PTPRM: variants seen among roughly 807,000 people sequenced by gnomAD.
PTPRM encodes the protein protein tyrosine phosphatase receptor type M.
A neutral mutation model predicts 186.7 loss-of-function variants in PTPRM; 47 were observed. The observed-to-expected ratio is 0.25, with a 90% CI of 0.20 to 0.32. The LOEUF (loss-of-function observed/expected upper bound fraction) is 0.32. Among genes scored for constraint, PTPRM ranks in the 10% least tolerant of loss-of-function variants. PTPRM has a pLI of 1.00. For synonymous variants in PTPRM, 668 were observed against 674.9 expected, an observed-to-expected ratio of 0.99 and a Z score of 0.16; for missense variants, 1,494 against 1,865.0, an observed-to-expected ratio of 0.80 and a Z score of 3.66.
chr18:7,840,171 C>A (rs2046255819), intron 2 of PTPRM, among the ~76,000 whole-genome samples: 1 of 151,968 alleles, frequency 6.6e-6, no homozygotes, highest in Non-Finnish European at 1.5e-5. Context: ...GTGCCTCTTT[C>A]AGAGATAAGT....
intron 14 of PTPRM, among the ~76,000 whole-genome samples, chr18:8,211,377 C>CTTTTT (rs970926126): frequency 0.011 from 958 of 87,248 alleles, no homozygotes; most frequent in Middle Eastern, 0.02. Context: ...GTCTCTTCTT[C>CTTTTT]TTTTTTTTTT....
intron 14 of PTPRM, among the ~76,000 whole-genome samples, chr18:8,190,360 G>A (rs1183268413): frequency 6.6e-6 from 1 of 152,144 alleles, no homozygotes; most frequent in Non-Finnish European, 1.5e-5. Flanking sequence ...TATATGTGAG[G>A]TCATGAGGCA....
chr18:7,999,840 G>C (rs1200644309), intron 7 of PTPRM, among the ~76,000 whole-genome samples: 1 of 151,992 alleles, frequency 6.6e-6, no homozygotes, highest in African/African-American at 2.4e-5. Context: ...ATAAGGAATT[G>C]GCCCACATGT....
At chr18:8,085,996 G>T (rs1228026505) in intron 10 of PTPRM, 124 bp downstream of exon 10, 1 of 899,314 alleles carries the variant, frequency 1.1e-6, no homozygotes, top group South Asian at 1.5e-5. Flanking sequence ...ACTCCTGGAT[G>T]CCTGAAGCTC....
rs573974233 is a variant in PTPRM, at chr18:7,807,777, G to A, written c.196+33506G>A. ...GTGTCGTATTGCTGACGTTTATGTG[G>A]TTGAAGAATTACATCTAAGTAATAT... On this transcript the variant is annotated intron_variant, in intron 2 of 32. Transcript: ENST00000580170. Among the ~76,000 whole-genome samples the A allele has an allele frequency of 1.5e-4, 23 of 152,310 alleles. No homozygotes were observed. In the South Asian group the frequency reaches 4.4e-3, roughly 29 times the overall value.
intron 13 of PTPRM, among the ~76,000 whole-genome samples, chr18:8,132,852 C>T (rs1182998226): frequency 6.6e-6 from 1 of 152,100 alleles, no homozygotes; most frequent in East Asian, 1.9e-4. Flanking sequence ...TCCTGTTAGT[C>T]TCTTTTTATC....
At chr18:8,282,012 T>C (rs2094909073) in intron 19 of PTPRM, among the ~76,000 whole-genome samples, 2 of 151,964 alleles carry the variant, frequency 1.3e-5, no homozygotes, top group South Asian at 4.2e-4. Flanking sequence ...AGCTGAAGAC[T>C]GGGGGAAAAT....
rs745575815 is a variant in PTPRM, at chr18:7,704,863, G to T, written c.74-69286G>T. On this transcript the variant is annotated intron_variant, in intron 1 of 32. Transcript: ENST00000580170. ...AGACAATCTTGTTGACAAGAATCTT[G>T]GGACATAGAACAACTTCACACTTAG... Among the ~76,000 whole-genome samples, 61 of 152,050 alleles carry T rather than the reference G, an allele frequency of 4.0e-4. 1 individual carries two copies. The highest frequency in any genetic ancestry group is 8.1e-4 in the Non-Finnish European group (55 of 67,968).
chr18:7,671,368 T>A (rs2039214551), intron 1 of PTPRM, among the ~76,000 whole-genome samples: 1 of 152,188 alleles, frequency 6.6e-6, no homozygotes. Context: ...TGTGCTTTGG[T>A]CCTGAGAGAG....
chr18:7,613,324 C>T (rs1355587356), intron 1 of PTPRM, among the ~76,000 whole-genome samples: 1 of 152,128 alleles, frequency 6.6e-6, no homozygotes, highest in African/African-American at 2.4e-5. Context: ...TCATGTTCCC[C>T]TTTTTCATAC....
intron 1 of PTPRM, among the ~76,000 whole-genome samples, chr18:7,581,616 G>T (rs1223894078): frequency 1.3e-5 from 2 of 150,532 alleles, no homozygotes. Flanking sequence ...ATTTGCATCA[G>T]TGCTCCAAAT....
At chr18:7,887,397 G>A (rs1177805160) in intron 2 of PTPRM, among the ~76,000 whole-genome samples, 1 of 152,156 alleles carries the variant, frequency 6.6e-6, no homozygotes, top group African/African-American at 2.4e-5. Flanking sequence ...TTGGGACAAT[G>A]ATTGCCTAAG....
At chr18:7,869,567 A>G (rs914331289) in intron 2 of PTPRM, among the ~76,000 whole-genome samples, 2 of 152,100 alleles carry the variant, frequency 1.3e-5, no homozygotes, top group African/African-American at 2.4e-5. Context: ...TGGGTACCTC[A>G]GTTGGAAATG....
intron 1 of PTPRM, among the ~76,000 whole-genome samples, chr18:7,751,838 T>G (rs76726666): frequency 0.026 from 3,940 of 149,188 alleles, 70 homozygotes; most frequent in Non-Finnish European, 0.037. Context: ...CTGTGAAAAT[T>G]TTCCACATAC....
chr18:8,179,924 T>C (rs567547423), intron 14 of PTPRM, among the ~76,000 whole-genome samples: 2 of 152,384 alleles, frequency 1.3e-5, no homozygotes, highest in East Asian at 1.9e-4. Flanking sequence ...ACAGTCATTT[T>C]CCTTCTATTA....
At chr18:8,183,900 G>C (rs2093610079) in intron 14 of PTPRM, among the ~76,000 whole-genome samples, 1 of 152,220 alleles carries the variant, frequency 6.6e-6, no homozygotes, top group South Asian at 2.1e-4. Flanking sequence ...AATCTGACAT[G>C]GGGCACAGGT....
chr18:7,669,967 C>T (rs1228808028), intron 1 of PTPRM, among the ~76,000 whole-genome samples: 2 of 152,108 alleles, frequency 1.3e-5, no homozygotes, highest in African/African-American at 2.4e-5. Flanking sequence ...TGGTCTTGAA[C>T]TCCTGACCTC....
chr18:8,184,666 G>T (rs1412875022), intron 14 of PTPRM, among the ~76,000 whole-genome samples: 1 of 152,236 alleles, frequency 6.6e-6, no homozygotes, highest in East Asian at 1.9e-4. Context: ...CTGGCCTAAA[G>T]CTGAACAAAT....
intron 19 of PTPRM, among the ~76,000 whole-genome samples, chr18:8,278,340 G>A (rs2094860729): frequency 6.6e-6 from 1 of 152,204 alleles, no homozygotes. Flanking sequence ...AAAGAAGGAA[G>A]TTGTAGGATA....
Sources: allele counts gnomAD v4.1 joint callset (sites outside exome capture counted in the v4.1 genomes callset), GRCh38; gene constraint gnomAD v4.1.1; transcripts MANE v1.5; gene names NCBI Gene and HGNC (gene_info 2026-07-23, HGNC 2026-07-21).